The following USP12 variants were observed in gnomAD, a reference collection of about 807,000 sequenced individuals.
USP12 encodes the protein ubiquitin carboxyl-terminal hydrolase 12.
USP12 carries 19 observed loss-of-function variants against 45.5 expected under a neutral mutation model. The ratio of observed to expected loss-of-function variants is 0.42; its 90% CI spans 0.29 to 0.61. USP12 has a LOEUF of 0.61. USP12 is among the 20% of genes least tolerant of loss of function. USP12 has a pLI of 0.22. For missense variants in USP12, 242 were observed against 447.7 expected (o/e 0.54, Z 4.15); for synonymous variants, 149 against 148.8 (o/e 1.00, Z -0.01).
At chr13:27,083,377 G>A (rs1430864278) in intron 6 of USP12, among the ~76,000 whole-genome samples, 1 of 152,060 alleles carries the variant, frequency 6.6e-6, no homozygotes, top group African/African-American at 2.4e-5. Flanking sequence ...AAAACCACAG[G>A]GTCTGCAAGG....
chr13:27,140,916 A>G (rs1418761950), intron 1 of USP12, among the ~76,000 whole-genome samples: 1 of 151,774 alleles, frequency 6.6e-6, no homozygotes, highest in African/African-American at 2.4e-5. Flanking sequence ...AATCTCTCTA[A>G]CGCCTTTTGT....
chr13:27,099,350 C>T (rs1012743803), intron 3 of USP12, among the ~76,000 whole-genome samples: 2 of 152,166 alleles, frequency 1.3e-5, no homozygotes, highest in African/African-American at 4.8e-5. Context: ...GCCTGTTACA[C>T]ATTCCTTTAT....
In USP12 at chr13:27,109,391, C is replaced by T. The variant is rs535735966; in HGVS notation, c.130-3447G>A. 7.9e-5 allele frequency among the ~76,000 whole-genome samples: 12 copies of T among 152,202 alleles called. No individual in the cohort carries two copies. In the South Asian group the frequency reaches 1.7e-3, roughly 21 times the overall value. On this transcript the variant is annotated intron_variant, in intron 2 of 8. Coordinates refer to ENST00000282344, the MANE Select transcript of USP12 (RefSeq NM_182488.4). ...TCACTAAACTTTAATCAAGTCTCTA[C>T]GTGTAACTACTAATTTACAAGACAG...
intron 1 of USP12, among the ~76,000 whole-genome samples, chr13:27,154,822 G>A (rs1031808703): frequency 6.6e-6 from 1 of 152,054 alleles, no homozygotes; most frequent in African/African-American, 2.4e-5. Context: ...AATCACAAGG[G>A]TCTGGTAAGT....
intron 1 of USP12, among the ~76,000 whole-genome samples, chr13:27,122,547 G>A (rs1876044196): frequency 2.6e-5 from 4 of 152,062 alleles, no homozygotes; most frequent in African/African-American, 9.7e-5. Context: ...AACTACTTGG[G>A]AGACTGAGAT....
chr13:27,092,782 A>T (rs1330361576), intron 4 of USP12, among the ~76,000 whole-genome samples: 1 of 152,248 alleles, frequency 6.6e-6, no homozygotes, highest in Admixed American at 6.5e-5. Flanking sequence ...AACATAGGAG[A>T]AATTCTAAGG....
chr13:27,125,247 A>G (rs1004603715), intron 1 of USP12, among the ~76,000 whole-genome samples: 4 of 152,242 alleles, frequency 2.6e-5, no homozygotes, highest in African/African-American at 9.6e-5. Flanking sequence ...ATACAAAAGC[A>G]TAAGAAAAAT....
At chr13:27,091,162 G>GA (rs144905332) in intron 4 of USP12, among the ~76,000 whole-genome samples, 2 of 151,972 alleles carry the variant, frequency 1.3e-5, no homozygotes, top group East Asian at 1.9e-4. Flanking sequence ...AACTCAGAGA[G>GA]AAAAAAAGAG....
chr13:27,102,144 G>A (rs1416116041), intron 3 of USP12, among the ~76,000 whole-genome samples: 1 of 152,174 alleles, frequency 6.6e-6, no homozygotes, highest in African/African-American at 2.4e-5. Flanking sequence ...GTGAGTCAGA[G>A]CACACAACTA....
chr13:27,130,729 C>T (rs1876461704), intron 1 of USP12, among the ~76,000 whole-genome samples: 1 of 152,220 alleles, frequency 6.6e-6, no homozygotes, highest in Non-Finnish European at 1.5e-5. Flanking sequence ...AGCACGCTTA[C>T]TTCCCCACGA....
intron 6 of USP12, among the ~76,000 whole-genome samples, chr13:27,088,174 T>A (rs1265200766): frequency 3.9e-5 from 6 of 152,062 alleles, no homozygotes; most frequent in Non-Finnish European, 1.5e-5. Flanking sequence ...TAATCCCAGC[T>A]CTCTGGGAGG....
intron 2 of USP12, among the ~76,000 whole-genome samples, chr13:27,116,310 T>C (rs1875736640): frequency 1.4e-5 from 1 of 69,778 alleles, no homozygotes; most frequent in Non-Finnish European, 2.6e-5. Context: ...AGACGCTGTC[T>C]CAAAAAAAAA....
intron 1 of USP12, among the ~76,000 whole-genome samples, chr13:27,125,539 G>A (rs997126939): frequency 1.3e-5 from 2 of 152,156 alleles, no homozygotes; most frequent in African/African-American, 4.8e-5. Context: ...CTGCGAGATC[G>A]ATGCAGAAGG....
At chr13:27,095,154 T>A (rs765057720) in intron 4 of USP12, among the ~76,000 whole-genome samples, 5 of 152,148 alleles carry the variant, frequency 3.3e-5, no homozygotes, top group Admixed American at 6.5e-5. Context: ...TCAAGCTTCA[T>A]CTTTACAAAG....
Position 27,071,107 on chromosome 13 carries a change from A to G in USP12, c.975T>C (p.His325=), listed in dbSNP as rs770054777. ...CGTCATCAAACAACAACCAAAAATC[A>G]TGACTCTTAACTATTGCAATATAAT... is the stretch of plus-strand genomic sequence containing the variant. The part of the protein sequence containing the change: ...RGHYIAIVKS[H]DFWLLFDDDI... Residue 325 remains histidine (H), a synonymous_variant, in exon 8 of 9, where the codon CAT becomes CAC. Coordinates refer to ENST00000282344, the MANE Select transcript of USP12 (RefSeq NM_182488.4). 13 of 1,609,910 alleles carry G rather than the reference A, an allele frequency of 8.1e-6. No homozygotes were observed. In the South Asian group the frequency reaches 1.3e-4, roughly 17 times the overall value.
At chr13:27,161,592 G>T (rs1878109828) in intron 1 of USP12, among the ~76,000 whole-genome samples, 1 of 152,244 alleles carries the variant, frequency 6.6e-6, no homozygotes, top group South Asian at 2.1e-4. Flanking sequence ...GCCATCAGAA[G>T]TTAACTACAG....
chr13:27,153,016 T>C (rs180982712), intron 1 of USP12, among the ~76,000 whole-genome samples: 365 of 151,872 alleles, frequency 2.4e-3, no homozygotes, highest in Non-Finnish European at 3.9e-3. Flanking sequence ...TTTTGATTAA[T>C]TGTTTACATT....
intron 1 of USP12, among the ~76,000 whole-genome samples, chr13:27,158,481 G>C (rs1353300553): frequency 6.6e-6 from 1 of 152,148 alleles, no homozygotes; most frequent in African/African-American, 2.4e-5. Flanking sequence ...ATTTCATCAT[G>C]GTGCGTATGT....
intron 2 of USP12, among the ~76,000 whole-genome samples, chr13:27,106,417 G>A (rs148483695): frequency 6.6e-5 from 10 of 151,796 alleles, no homozygotes; most frequent in South Asian, 2.1e-4. Flanking sequence ...GGGGGCGGGC[G>A]GGGAAATAAA....
Sources: gnomAD v4.1 joint callset for allele counts (sites outside exome capture counted in the v4.1 genomes callset) on GRCh38, gnomAD v4.1.1 for gene constraint, MANE v1.5 for transcripts, NCBI Gene and HGNC (gene_info 2026-07-23, HGNC 2026-07-21) for gene names.